Variants in C2orf78 observed in about 807,000 individuals in gnomAD.
C2orf78 encodes the protein uncharacterized protein C2orf78.
Under a neutral mutation model 21.4 loss-of-function variants are expected in C2orf78, and 12 were observed. The observed-to-expected ratio is 0.56, with a 90% CI of 0.36 to 0.91. The LOEUF is 0.91. Ranked by LOEUF, C2orf78 falls within the 40% of genes least tolerant of loss-of-function variation. The pLI is 0.01. For missense variants in C2orf78, 1,042 were observed against 1,092.4 expected (o/e 0.95, Z 0.65); for synonymous variants, 396 against 413.9 (o/e 0.96, Z 0.52).
chr2:73,786,134 C>T (rs1413569486), intron 1 of C2orf78, among the ~76,000 whole-genome samples: 1 of 152,066 alleles, frequency 6.6e-6, no homozygotes, highest in Non-Finnish European at 1.5e-5. Context: ...AATCACAGCA[C>T]TTTGCAAGGC....
exon 2 of C2orf78, chr2:73,813,640 C>T (rs760643992): frequency 1.4e-5 from 23 of 1,613,926 alleles, no homozygotes; most frequent in Non-Finnish European, 1.9e-5. Context: ...CCTCTGGCAC[C>T]TCCTTCCAGC....
exon 3 of C2orf78, chr2:73,816,544 A>T: frequency 6.2e-7 from 1 of 1,613,850 alleles, no homozygotes; most frequent in South Asian, 1.1e-5. Flanking sequence ...GCTCCTACCA[A>T]CACATCTTTG....
At chr2:73,810,919 G>A (rs1247391790) in intron 1 of C2orf78, among the ~76,000 whole-genome samples, 3 of 136,416 alleles carry the variant, frequency 2.2e-5, no homozygotes, top group African/African-American at 8.2e-5. Flanking sequence ...TATAATATAT[G>A]TATATTATAT....
exon 3 of C2orf78, chr2:73,816,696 C>T (rs758357092): frequency 1.6e-5 from 26 of 1,613,850 alleles, no homozygotes; most frequent in African/African-American, 5.3e-5. Context: ...TTCTCTGCAG[C>T]GGGAGCCTGT....
exon 3 of C2orf78, chr2:73,815,988 C>A (rs866383383): frequency 1.2e-6 from 2 of 1,613,844 alleles, no homozygotes; most frequent in East Asian, 2.2e-5. Context: ...AGAGAGTAAG[C>A]AGTCAGGGAA....
chr2:73,814,974 C>A, intron 2 of C2orf78, 97 bp from the exon 3 acceptor site: 2 of 1,210,786 alleles, frequency 1.7e-6, no homozygotes, highest in Non-Finnish European at 2.3e-6. Context: ...AGTAGAAATG[C>A]CTTGCCCATG....
At chr2:73,814,205 A>G (rs1411112865) in exon 2 of C2orf78, 4 of 1,580,256 alleles carry the variant, frequency 2.5e-6, no homozygotes, top group Non-Finnish European at 3.5e-6. Flanking sequence ...TTCTCAACCC[A>G]TCACAGAAAC....
chr2:73,809,920 A>G (rs952001794), intron 1 of C2orf78, among the ~76,000 whole-genome samples: 1 of 152,324 alleles, frequency 6.6e-6, no homozygotes, highest in Admixed American at 6.5e-5. Context: ...TATTTTAATT[A>G]AAGCAGAAAG....
chr2:73,785,736 A>T (rs1239601052), intron 1 of C2orf78, among the ~76,000 whole-genome samples: 3 of 152,042 alleles, frequency 2.0e-5, no homozygotes, highest in Admixed American at 6.5e-5. Flanking sequence ...ACAGTTTGTA[A>T]TATAAACATT....
At chr2:73,792,515 G>A (rs1188689825) in intron 1 of C2orf78, among the ~76,000 whole-genome samples, 1 of 141,804 alleles carries the variant, frequency 7.1e-6, no homozygotes, top group Non-Finnish European at 1.5e-5. Flanking sequence ...TGTCTATTTT[G>A]TTAATACAAA....
chr2:73,785,654 G>C (rs1388676283), intron 1 of C2orf78, among the ~76,000 whole-genome samples: 16 of 152,194 alleles, frequency 1.1e-4, no homozygotes, highest in Admixed American at 7.2e-4. Context: ...CATATCCCTA[G>C]GAAAAGCAGC....
At position 73,808,694 on chromosome 2, in the gene C2orf78, A is replaced by G. The variant is rs75777988; in HGVS notation, c.98-4783A>G. 87 of 1,503,012 alleles carry G rather than the reference A, an allele frequency of 5.8e-5. 1 individual carries two copies. Among genetic ancestry groups the G allele is most frequent in the Middle Eastern group, 2.4e-4 (1 of 4,198 alleles). The allele number at this position is 1,503,012 out of a possible 1,614,324, so 93.1% of individuals were successfully genotyped here. A position where few individuals can be genotyped will look rare whatever the true frequency, so the allele number is the denominator to read the frequency against. On this transcript the variant is annotated intron_variant, in intron 1 of 2. Transcript: ENST00000409561. ...TGTGACATCATTCTCCCACCAAACC[A>G]ACTGCCACCTGGTAGAATCTTGGGG... is the stretch of plus-strand genomic sequence containing the variant.
At chr2:73,810,686 A>G (rs1365107971) in intron 1 of C2orf78, among the ~76,000 whole-genome samples, 3 of 133,684 alleles carry the variant, frequency 2.2e-5, no homozygotes, top group Non-Finnish European at 4.6e-5. Flanking sequence ...TAAAATATAC[A>G]TATATATTTT....
At chr2:73,809,243 G>C (rs1673022436) in intron 1 of C2orf78, among the ~76,000 whole-genome samples, 1 of 152,076 alleles carries the variant, frequency 6.6e-6, no homozygotes, top group African/African-American at 2.4e-5. Context: ...CAGAAACAGA[G>C]AAAAAACCAA....
chr2:73,815,630 C>G, exon 3 of C2orf78: 1 of 1,613,948 alleles, frequency 6.2e-7, no homozygotes, highest in African/African-American at 1.3e-5. Context: ...CTGAAAGTCC[C>G]TCAGCAAAGA....
intron 1 of C2orf78, among the ~76,000 whole-genome samples, chr2:73,812,566 C>T (rs973774663): frequency 1.3e-5 from 2 of 151,924 alleles, no homozygotes; most frequent in African/African-American, 4.8e-5. Flanking sequence ...TTTGGGACAC[C>T]GAGGCAGGCA....
chr2:73,810,861 A>G (rs1225930412), intron 1 of C2orf78, among the ~76,000 whole-genome samples: 1 of 138,152 alleles, frequency 7.2e-6, no homozygotes, highest in African/African-American at 2.7e-5. Context: ...TATTATATAT[A>G]ATATACATAT....
At chr2:73,810,392 T>G (rs1293715843) in intron 1 of C2orf78, among the ~76,000 whole-genome samples, 1 of 151,608 alleles carries the variant, frequency 6.6e-6, no homozygotes, top group Non-Finnish European at 1.5e-5. Context: ...CCGGGCATGG[T>G]GGCACATGCC....
At chr2:73,814,038 G>A in exon 2 of C2orf78, 1 of 1,613,932 alleles carries the variant, frequency 6.2e-7, no homozygotes, top group South Asian at 1.1e-5. Context: ...GGCACACTGG[G>A]GCCTCAACTA....
Sources: gnomAD v4.1 joint callset for allele counts (sites outside exome capture counted in the v4.1 genomes callset) on GRCh38, gnomAD v4.1.1 for gene constraint, MANE v1.5 for transcripts, NCBI Gene and HGNC (gene_info 2026-07-23, HGNC 2026-07-21) for gene names.